The following AGK variants were observed in gnomAD, a reference collection of about 807,000 sequenced individuals.
AGK encodes the protein acylglycerol kinase, also known as acylglycerol kinase, mitochondrial.
In AGK, 52 loss-of-function variants were observed where a neutral mutation model predicts 66.4. The observed-to-expected ratio is 0.78, with a 90% CI of 0.63 to 0.99. The LOEUF is 0.99. Ranked by LOEUF, AGK falls within the 50% of genes least tolerant of loss-of-function variation. AGK has a pLI of 0.00. For missense variants in AGK, 451 were observed against 506.6 expected (o/e 0.89, Z 1.05); for synonymous variants, 182 against 181.1 (o/e 1.00, Z -0.04).
At chr7:141,573,289 A>G (rs1180544843) in intron 2 of AGK, among the ~76,000 whole-genome samples, 2 of 152,138 alleles carry the variant, frequency 1.3e-5, no homozygotes, top group Admixed American at 6.5e-5. Context: ...TTTAAGTACA[A>G]TGAAGTTTAA....
rs558659981 is a variant in AGK at position 141,581,131 on chromosome 7, G to A, written c.102-12015G>A. ...GTGTGTTTTTATGAAGAATTATGCC[G>A]ATATACGTAACAGATGAAGAAATTT... On this transcript the variant is annotated intron_variant, in intron 2 of 15. Coordinates refer to ENST00000649286, the MANE Select transcript of AGK (RefSeq NM_018238.4). Among the ~76,000 whole-genome samples the A allele has an allele frequency of 7.2e-5, 11 of 151,990 alleles. No homozygotes were observed. In the East Asian group the frequency reaches 9.6e-4, roughly 13 times the overall value.
intron 9 of AGK, among the ~76,000 whole-genome samples, chr7:141,630,335 T>A (rs1797028491): frequency 6.6e-6 from 1 of 152,152 alleles, no homozygotes; most frequent in African/African-American, 2.4e-5. Flanking sequence ...GAGGAATAAG[T>A]TTTGAGATCT....
chr7:141,616,965 G>A (rs933753316), intron 8 of AGK, among the ~76,000 whole-genome samples: 2 of 151,982 alleles, frequency 1.3e-5, no homozygotes, highest in African/African-American at 4.8e-5. Context: ...CACTGTGTTA[G>A]CCAGGATGGT....
chr7:141,640,959 T>C (rs548493868), intron 11 of AGK, among the ~76,000 whole-genome samples: 3 of 152,304 alleles, frequency 2.0e-5, no homozygotes, highest in East Asian at 3.9e-4. Flanking sequence ...GATGACCCTA[T>C]GTTCATTCAC....
chr7:141,585,891 C>T (rs372359129), intron 2 of AGK, among the ~76,000 whole-genome samples: 2 of 152,222 alleles, frequency 1.3e-5, no homozygotes, highest in East Asian at 3.9e-4. Flanking sequence ...CTGCAGGGAC[C>T]CTTTTTGATA....
At chr7:141,637,574 C>G (rs1342002256) in intron 11 of AGK, among the ~76,000 whole-genome samples, 2 of 152,028 alleles carry the variant, frequency 1.3e-5, no homozygotes, top group African/African-American at 4.8e-5. Context: ...AGAGAAAAGC[C>G]TAACAATTTT....
At chr7:141,551,657 C>T (rs1046378100) in intron 1 of AGK, among the ~76,000 whole-genome samples, 1 of 152,172 alleles carries the variant, frequency 6.6e-6, no homozygotes, top group Non-Finnish European at 1.5e-5. Context: ...CAGGGGAGGG[C>T]CTCGCGCGGA....
chr7:141,588,813 G>A (rs1003142838), intron 2 of AGK, among the ~76,000 whole-genome samples: 2 of 152,148 alleles, frequency 1.3e-5, no homozygotes, highest in Admixed American at 6.5e-5. Context: ...AGACCATACA[G>A]TGTAACTTCC....
Position 141,641,373 on chromosome 7 carries a change from G to A in AGK, c.852G>A (p.Ala284=), listed in dbSNP as rs183816817. The A allele has an allele frequency of 6.4e-5, 104 of 1,613,134 alleles. No homozygotes were observed. Among genetic ancestry groups the A allele is most frequent in the African/African-American group, 3.3e-4 (25 of 74,972 alleles). Residue 284 remains alanine (A), a synonymous_variant, in exon 12 of 16, where the codon GCG becomes GCA. Transcript: ENST00000649286. ...SLYRRILRRL[A]SYWAQPQDAL... is the part of the protein sequence containing the mutation. ...ACAGGAGAATATTACGAAGGCTTGC[G>A]TCCTACTGGGCACAACCACAGGATG...
chr7:141,581,668 T>A (rs954661338), intron 2 of AGK, among the ~76,000 whole-genome samples: 1 of 151,488 alleles, frequency 6.6e-6, no homozygotes, highest in Non-Finnish European at 1.5e-5. Context: ...CCTATACTTG[T>A]GGATTAAGGT....
intron 5 of AGK, among the ~76,000 whole-genome samples, chr7:141,602,203 GTGTGTGTGTA>G (rs1218844322): frequency 2.0e-5 from 3 of 151,502 alleles, no homozygotes; most frequent in African/African-American, 7.3e-5. Context: ...GTGTGTGTGT[GTGTGTGTGTA>G]TGTAGAGACA....
At position 141,626,328 on chromosome 7, in the gene AGK, A is replaced by T. The variant is rs147600451; in HGVS notation, c.588+4527A>T. Among the ~76,000 whole-genome samples the T allele has an allele frequency of 1.4e-3, 207 of 152,366 alleles. 2 individuals carry two copies. Among genetic ancestry groups the T allele is most frequent in the African/African-American group, 4.8e-3 (199 of 41,582 alleles). On this transcript the variant is annotated intron_variant, in intron 9 of 15. Transcript: ENST00000649286. The stretch of plus-strand genomic sequence containing the variant: ...TTGCCAGCTTGTAAATGCAGAAGGA[A>T]TGATAGAAAATCGCCATTTTTTAAA...
chr7:141,611,124 C>A, intron 5 of AGK, 71 bp from the exon 6 acceptor site: 1 of 910,938 alleles, frequency 1.1e-6, no homozygotes, highest in African/African-American at 1.7e-5. Context: ...AGAAGATATC[C>A]CACATTTTTA....
In AGK at chr7:141,598,198, A is replaced by G. The variant is rs1040052546; in HGVS notation, c.221+1557A>G. Reference sequence around the variant, plus strand: ...TTAATTCAGATTGTCTAAACAGACTATTCTGCCTAACTGAATCATATCTGC... The same window carrying G: ...TTAATTCAGATTGTCTAAACAGACTGTTCTGCCTAACTGAATCATATCTGC... On this transcript the variant is annotated intron_variant, in intron 4 of 15. Transcript: ENST00000649286. The surrounding 1 kb of genome is among the most constrained non-coding windows in gnomAD (Gnocchi z 4.2). Among the ~76,000 whole-genome samples, 18 of 152,156 alleles carry G rather than the reference A, an allele frequency of 1.2e-4. No homozygotes were observed. The highest frequency in any genetic ancestry group is 4.3e-4 in the African/African-American group (18 of 41,432).
chr7:141,579,299 T>C (rs1463353842), intron 2 of AGK, among the ~76,000 whole-genome samples: 2 of 151,974 alleles, frequency 1.3e-5, no homozygotes, highest in Non-Finnish European at 2.9e-5. Context: ...TTTCTGAAGA[T>C]TGAGGAAGGT....
In AGK at chr7:141,653,188, C is replaced by T. The variant is rs1271838562; in HGVS notation, c.*264C>T. 5 of 398,082 alleles carry T rather than the reference C, an allele frequency of 1.3e-5. No individual in the cohort carries two copies. The highest frequency in any genetic ancestry group is 2.3e-5 in the Non-Finnish European group (5 of 214,668). 24.7% of individuals were successfully genotyped at this position (398,082 alleles called of 1,614,324 possible). A position where few individuals can be genotyped will look rare whatever the true frequency, so the allele number is the denominator to read the frequency against. On this transcript the variant is annotated 3_prime_UTR_variant, in exon 16 of 16. Coordinates refer to ENST00000649286, the MANE Select transcript of AGK (RefSeq NM_018238.4). ...GGACTTTCCTCAGGCTGGTTCAAGACGGAAAAGGACTTTCTTCTGTTTTCT... is the reference window on the plus strand; with the variant it reads ...GGACTTTCCTCAGGCTGGTTCAAGATGGAAAAGGACTTTCTTCTGTTTTCT...
At chr7:141,553,800 C>T (rs1302961656) in intron 1 of AGK, among the ~76,000 whole-genome samples, 1 of 152,092 alleles carries the variant, frequency 6.6e-6, no homozygotes, top group Non-Finnish European at 1.5e-5. Flanking sequence ...AAGGATGTTT[C>T]TACCCTTGAG....
chr7:141,654,942 CG>C lies in AGK; in HGVS notation c.*2020del, dbSNP rs1562990058. On this transcript the variant is annotated 3_prime_UTR_variant, in exon 16 of 16. Coordinates refer to ENST00000649286, the MANE Select transcript of AGK (RefSeq NM_018238.4). ...CTGCTTTTGGCAAAAACATAACAGA[CG>C]GTTCCAAACATCAGCATAAAGATCA... 1 of 152,188 alleles carries C rather than the reference CG, an allele frequency of 6.6e-6. No individual in the cohort carries two copies. Among genetic ancestry groups the C allele is most frequent in the African/African-American group, 2.4e-5 (1 of 41,426 alleles). 9.4% of individuals were successfully genotyped at this position (152,188 alleles called of 1,614,324 possible).
At position 141,558,652 on chromosome 7, in the gene AGK, G is replaced by A. The variant is rs115094564; in HGVS notation, c.101+3085G>A. Among the ~76,000 whole-genome samples the A allele has an allele frequency of 3.2e-3, 486 of 152,118 alleles. 2 individuals are homozygous for A. Among genetic ancestry groups the A allele is most frequent in the African/African-American group, 0.01 (424 of 41,508 alleles). On this transcript the variant is annotated intron_variant, in intron 2 of 15. Coordinates refer to ENST00000649286, the MANE Select transcript of AGK (RefSeq NM_018238.4). ...ATTTTGGATATATGCCCAGAAGTGGGGATTGCTAGATCATATGGTAGTCTA... is the reference window on the plus strand; with the variant it reads ...ATTTTGGATATATGCCCAGAAGTGGAGATTGCTAGATCATATGGTAGTCTA...
Sources: allele counts gnomAD v4.1 joint callset (sites outside exome capture counted in the v4.1 genomes callset), GRCh38; gene constraint gnomAD v4.1.1; non-coding constraint Gnocchi (gnomAD v3.1); transcripts MANE v1.5; gene names NCBI Gene and HGNC (gene_info 2026-07-23, HGNC 2026-07-21).